The following GPHN variants were observed in gnomAD, a reference collection of about 807,000 sequenced individuals.
GPHN encodes gephyrin.
GPHN carries 17 observed loss-of-function variants against 95.5 expected under a neutral mutation model. The ratio of observed to expected loss-of-function variants is 0.18; its 90% CI spans 0.12 to 0.27. GPHN has a LOEUF of 0.27. GPHN is among the 10% of genes least tolerant of loss of function. GPHN has a pLI of 1.00. For synonymous variants in GPHN, 320 were observed against 322.5 expected, an observed-to-expected ratio of 0.99 and a Z score of 0.08; for missense variants, 660 against 978.1, an observed-to-expected ratio of 0.67 and a Z score of 4.34.
chr14:66,692,872 A>T (rs1414873317), intron 2 of GPHN, among the ~76,000 whole-genome samples: 1 of 152,048 alleles, frequency 6.6e-6, no homozygotes, highest in Admixed American at 6.5e-5. Flanking sequence ...ATAGTGTTAT[A>T]TTTTTTATGT....
rs190636608 is a variant in GPHN at position 66,868,893 on chromosome 14, A to G, written c.295-11046A>G. On this transcript the variant is annotated intron_variant, in intron 4 of 22. Coordinates refer to ENST00000478722, the MANE Select transcript of GPHN (RefSeq NM_020806.5). ...TTAATGTTGTCCTCAAAGTATCAAGAAAAAAAAAGGAAAAGATCACAATTA... is the reference window on the plus strand; with the variant it reads ...TTAATGTTGTCCTCAAAGTATCAAGGAAAAAAAAGGAAAAGATCACAATTA... 3.9e-3 allele frequency among the ~76,000 whole-genome samples: 593 copies of G among 151,606 alleles called. 5 individuals are homozygous for G. Among genetic ancestry groups the G allele is most frequent in the African/African-American group, 0.014 (570 of 41,384 alleles).
the GPHN span, among the ~76,000 whole-genome samples, chr14:67,504,466 T>C: frequency 2.6e-5 from 4 of 152,240 alleles, no homozygotes; most frequent in Non-Finnish European, 5.9e-5. Flanking sequence ...TAAGTCAGTT[T>C]TTTTTTCAGT....
At chr14:67,648,156 T>C in the GPHN span, 5 of 1,613,912 alleles carry the variant, frequency 3.1e-6, no homozygotes, top group South Asian at 1.1e-5. Context: ...AGAAGGCATG[T>C]ATATTGCTGA....
At chr14:66,727,921 G>T (rs2071397209) in intron 2 of GPHN, among the ~76,000 whole-genome samples, 1 of 152,184 alleles carries the variant, frequency 6.6e-6, no homozygotes, top group African/African-American at 2.4e-5. Context: ...GCATGTAGGA[G>T]GTCTTCGAGG....
At chr14:67,301,461 A>G in the GPHN span, 13 of 1,608,116 alleles carry the variant, frequency 8.1e-6, no homozygotes, top group South Asian at 1.3e-4. Context: ...TACTCCACAT[A>G]TTCAGGTAGA....
At chr14:67,597,556 G>C in the GPHN span, among the ~76,000 whole-genome samples, 1 of 152,020 alleles carries the variant, frequency 6.6e-6, no homozygotes, top group African/African-American at 2.4e-5. Context: ...GTTGATTGAT[G>C]AATGGAGGAT....
At chr14:67,214,089 C>T in the GPHN span, among the ~76,000 whole-genome samples, 2 of 152,186 alleles carry the variant, frequency 1.3e-5, no homozygotes, top group East Asian at 1.9e-4. Flanking sequence ...GAGTAGGTTG[C>T]GAAAATGTCC....
chr14:66,999,860 T>C (rs2153609809), intron 9 of GPHN, among the ~76,000 whole-genome samples: 1 of 151,960 alleles, frequency 6.6e-6, no homozygotes, highest in Non-Finnish European at 1.5e-5. Flanking sequence ...ATACTAGATA[T>C]GAATTTATTA....
chr14:67,703,030 G>A, the GPHN span, among the ~76,000 whole-genome samples: 1 of 152,086 alleles, frequency 6.6e-6, no homozygotes, highest in Non-Finnish European at 1.5e-5. Context: ...ATGTTGCCAG[G>A]GCTGGTCTTG....
the GPHN span, among the ~76,000 whole-genome samples, chr14:67,623,698 C>T: frequency 6.6e-6 from 1 of 151,938 alleles, no homozygotes; most frequent in African/African-American, 2.4e-5. Flanking sequence ...CCTGCCACTG[C>T]GCCTGACTAA....
chr14:67,695,861 G>T, the GPHN span: 1 of 643,630 alleles, frequency 1.6e-6, no homozygotes. Context: ...GGCTGGCTAC[G>T]TGGGAGCGCT....
the GPHN span, among the ~76,000 whole-genome samples, chr14:67,627,434 A>G: frequency 6.6e-6 from 1 of 152,082 alleles, no homozygotes; most frequent in Non-Finnish European, 1.5e-5. Flanking sequence ...ATGTCTGTTG[A>G]TAGATATCCA....
chr14:67,332,235 AT>A, the GPHN span, among the ~76,000 whole-genome samples: 9 of 152,176 alleles, frequency 5.9e-5, no homozygotes, highest in South Asian at 2.1e-4. Flanking sequence ...TCTTTGTAAA[AT>A]GGCCCTTTCC....
chr14:66,721,265 C>T (rs568508452), intron 2 of GPHN, among the ~76,000 whole-genome samples: 94 of 152,246 alleles, frequency 6.2e-4, no homozygotes, highest in Non-Finnish European at 1.1e-3. Context: ...TTGAGAATGA[C>T]AAAAGGCTTA....
At chr14:67,614,096 C>T in the GPHN span, among the ~76,000 whole-genome samples, 1 of 152,058 alleles carries the variant, frequency 6.6e-6, no homozygotes, top group Non-Finnish European at 1.5e-5. Context: ...CCACCACACC[C>T]AGCTAATTTT....
intron 1 of GPHN, among the ~76,000 whole-genome samples, chr14:66,664,160 A>G (rs1189569110): frequency 6.6e-6 from 1 of 152,178 alleles, no homozygotes; most frequent in African/African-American, 2.4e-5. Flanking sequence ...CTCCACTCAA[A>G]AACAACAGAC....
chr14:66,663,282 C>T (rs117530610), intron 1 of GPHN, among the ~76,000 whole-genome samples: 1,850 of 152,258 alleles, frequency 0.012, 20 homozygotes, highest in Non-Finnish European at 0.018. Context: ...GACCTCTCAG[C>T]GGAAACCCTA....
At chr14:66,899,840 A>G (rs890741901) in intron 5 of GPHN, among the ~76,000 whole-genome samples, 9 of 151,874 alleles carry the variant, frequency 5.9e-5, no homozygotes, top group Non-Finnish European at 1.3e-4. Context: ...TAAAATGTAT[A>G]TTAATTTTTC....
At chr14:67,200,182 G>A in the GPHN span, 2 of 1,157,940 alleles carry the variant, frequency 1.7e-6, no homozygotes. Context: ...TGGTATGCGT[G>A]GACTTCCTCC....
Sources: gnomAD v4.1 joint callset for allele counts (sites outside exome capture counted in the v4.1 genomes callset) on GRCh38, gnomAD v4.1.1 for gene constraint, MANE v1.5 for transcripts, NCBI Gene and HGNC (gene_info 2026-07-23, HGNC 2026-07-21) for gene names.